Variants in CDKL3 observed in about 807,000 individuals in gnomAD.
CDKL3 encodes the protein cyclin dependent kinase like 3.
CDKL3 carries 65 observed loss-of-function variants against 69.3 expected under a neutral mutation model. The observed-to-expected ratio is 0.94, with a 90% CI of 0.77 to 1.15. The LOEUF (loss-of-function observed/expected upper bound fraction) is 1.15, where lower values mean the gene tolerates loss of function less well. Among genes scored for constraint, CDKL3 ranks in the 50% most tolerant of loss-of-function variants. The pLI is 0.00. For synonymous variants in CDKL3, 202 were observed against 221.6 expected (o/e 0.91, Z 0.79); for missense variants, 652 against 689.2 (o/e 0.95, Z 0.61).
At chr5:134,321,759 C>T (rs539345926) in intron 5 of CDKL3, 32 bp downstream of exon 5, 2 of 1,095,014 alleles carry the variant, frequency 1.8e-6, no homozygotes, top group Admixed American at 1.9e-5. Flanking sequence ...TTATTTTAGA[C>T]ATGTAACTCA....
At chr5:134,340,440 T>G (rs994656185) in intron 4 of CDKL3, among the ~76,000 whole-genome samples, 1 of 152,100 alleles carries the variant, frequency 6.6e-6, no homozygotes. Context: ...TATTTTTTTG[T>G]AAATCAACAA....
chr5:134,336,335 A>G (rs1481575420), intron 4 of CDKL3, among the ~76,000 whole-genome samples: 1 of 152,166 alleles, frequency 6.6e-6, no homozygotes, highest in African/African-American at 2.4e-5. Context: ...TCAACTTGTC[A>G]AACTCATTCT....
chr5:134,345,702 G>A (rs1261174357), intron 4 of CDKL3, among the ~76,000 whole-genome samples: 1 of 152,172 alleles, frequency 6.6e-6, no homozygotes, highest in Non-Finnish European at 1.5e-5. Flanking sequence ...GAGCCTGGAT[G>A]AGCCAGGAGA....
At chr5:134,319,900 T>C (rs1337769340) in intron 5 of CDKL3, among the ~76,000 whole-genome samples, 2 of 152,178 alleles carry the variant, frequency 1.3e-5, no homozygotes, top group African/African-American at 2.4e-5. Flanking sequence ...ATATTAAAGG[T>C]ATGTAGAAAT....
chr5:134,366,368 CTT>C lies in CDKL3; in HGVS notation c.154_155del (p.Lys52ValfsTer15). The part of the protein sequence containing the change: ...SVNKIAMREI[K>X]FLKQFHHENL... ...GGCAAAAGAAGCAAACCTTTAGAAACTTTATTTCTCTCATCGCAATTTTGTTG... is the reference window on the plus strand; with the variant it reads ...GGCAAAAGAAGCAAACCTTTAGAAACTATTTCTCTCATCGCAATTTTGTTG... On this transcript the variant is annotated frameshift_variant, in exon 2 of 13. Coordinates refer to ENST00000265334, the MANE Select transcript of CDKL3 (RefSeq NM_001113575.2). LOFTEE classifies it high-confidence loss of function. 1.3e-6 allele frequency: 2 copies of C among 1,565,470 alleles called. No homozygotes were observed. The highest frequency in any genetic ancestry group is 8.6e-7 in the Non-Finnish European group (1 of 1,160,070).
At chr5:134,294,171 T>C (rs1195098868), downstream of CDKL3, among the ~76,000 whole-genome samples, 3 of 152,178 alleles carry the variant, frequency 2.0e-5, no homozygotes, top group Admixed American at 6.6e-5. Flanking sequence ...AAGAATCAAA[T>C]GGATTTTAAT....
intron 2 of CDKL3, among the ~76,000 whole-genome samples, chr5:134,363,088 TAATC>T (rs938581197): frequency 1.3e-5 from 2 of 152,040 alleles, no homozygotes; most frequent in African/African-American, 4.8e-5. Flanking sequence ...AGAAAAAAAA[TAATC>T]AATTTAAGTG....
At chr5:134,306,766 T>TC in intron 9 of CDKL3, 64 bp from the exon 10 acceptor site, 1 of 1,033,690 alleles carries the variant, frequency 9.7e-7, no homozygotes, top group East Asian at 2.7e-5. Flanking sequence ...TTTTTTTTTT[T>TC]TTTTTTTTGG....
At chr5:134,322,241 T>C (rs113113421) in intron 4 of CDKL3, among the ~76,000 whole-genome samples, 1 of 152,206 alleles carries the variant, frequency 6.6e-6, no homozygotes, top group African/African-American at 2.4e-5. Context: ...CTCAAACTCC[T>C]GACCTCGTGA....
At chr5:134,330,842 A>T (rs4532405) in intron 4 of CDKL3, among the ~76,000 whole-genome samples, 1 of 152,240 alleles carries the variant, frequency 6.6e-6, no homozygotes, top group Non-Finnish European at 1.5e-5. Flanking sequence ...CAAAAAAACC[A>T]TTGCCATGAC....
At chr5:134,298,876 T>C (rs965212908) in intron 12 of CDKL3, among the ~76,000 whole-genome samples, 166 bp from the exon 13 acceptor site, 3 of 152,140 alleles carry the variant, frequency 2.0e-5, no homozygotes, top group East Asian at 1.9e-4. Context: ...TCCATCTTTT[T>C]TTTTGCGGGG....
intron 4 of CDKL3, among the ~76,000 whole-genome samples, chr5:134,330,776 A>G (rs980584359): frequency 1.3e-5 from 2 of 152,222 alleles, no homozygotes; most frequent in Non-Finnish European, 2.9e-5. Flanking sequence ...CAAGAAGCAG[A>G]TATTATCATT....
At chr5:134,313,955 T>C (rs1234336232) in intron 6 of CDKL3, among the ~76,000 whole-genome samples, 1 of 151,814 alleles carries the variant, frequency 6.6e-6, no homozygotes, top group Non-Finnish European at 1.5e-5. Context: ...CTGACCAACA[T>C]GGAGAAACTC....
downstream of CDKL3, among the ~76,000 whole-genome samples, chr5:134,294,453 T>C (rs2149405525): frequency 6.6e-6 from 1 of 152,216 alleles, no homozygotes; most frequent in East Asian, 1.9e-4. Context: ...AAAGCAAATG[T>C]CCACTGTCAT....
At chr5:134,368,710 G>C, upstream of CDKL3, among the ~76,000 whole-genome samples, 1 of 151,676 alleles carries the variant, frequency 6.6e-6, no homozygotes, top group Non-Finnish European at 1.5e-5. Context: ...CTTATAGTGG[G>C]CTCAAACTTG....
chr5:134,326,821 A>ATATATATATGTGTGTG (rs1456545689), intron 4 of CDKL3, among the ~76,000 whole-genome samples: 150 of 105,442 alleles, frequency 1.4e-3, no homozygotes, highest in Middle Eastern at 5.0e-3. Context: ...GTGTGTGTAT[A>ATATATATATGTGTGTG]TATATATATA....
intron 4 of CDKL3, among the ~76,000 whole-genome samples, chr5:134,322,672 T>C (rs565375038): frequency 6.6e-6 from 1 of 152,114 alleles, no homozygotes; most frequent in Non-Finnish European, 1.5e-5. Flanking sequence ...AATAAAATAT[T>C]ATTCATCTGT....
intron 4 of CDKL3, among the ~76,000 whole-genome samples, chr5:134,336,712 G>A (rs1364145421): frequency 6.6e-6 from 1 of 152,168 alleles, no homozygotes; most frequent in Non-Finnish European, 1.5e-5. Context: ...TCGTCCCAGA[G>A]GGGCACCTGC....
At chr5:134,309,836 G>T (rs1430267310) in intron 7 of CDKL3, among the ~76,000 whole-genome samples, 2 of 152,030 alleles carry the variant, frequency 1.3e-5, no homozygotes, top group East Asian at 3.9e-4. Context: ...TCAATAACTG[G>T]CATCTTTTCT....
Sources: allele counts gnomAD v4.1 joint callset (sites outside exome capture counted in the v4.1 genomes callset), GRCh38; gene constraint gnomAD v4.1.1; transcripts MANE v1.5; gene names NCBI Gene and HGNC (gene_info 2026-07-23, HGNC 2026-07-21).